ESRRG: variants seen among roughly 807,000 people sequenced by gnomAD.
ESRRG encodes the protein estrogen-related receptor gamma.
ESRRG carries 13 observed loss-of-function variants against 44.0 expected under a neutral mutation model. The ratio of observed to expected loss-of-function variants is 0.30; its 90% CI spans 0.19 to 0.47. ESRRG has a LOEUF of 0.47. ESRRG is among the 20% of genes least tolerant of loss of function. The probability of loss-of-function intolerance (pLI) is 1.00; values close to 1 mark genes in which losing one functional copy is unlikely to be tolerated. For synonymous variants in ESRRG, 215 were observed against 214.6 expected, an observed-to-expected ratio of 1.00 and a Z score of -0.02; for missense variants, 395 against 580.6, an observed-to-expected ratio of 0.68 and a Z score of 3.29.
chr1:216,793,572 C>A (rs1385106492), intron 2 of ESRRG, among the ~76,000 whole-genome samples: 1 of 152,128 alleles, frequency 6.6e-6, no homozygotes, highest in Non-Finnish European at 1.5e-5. Context: ...GACTGCAGCC[C>A]TGCCCAACAC....
At chr1:216,780,772 G>A (rs1041217111) in intron 2 of ESRRG, among the ~76,000 whole-genome samples, 1 of 152,008 alleles carries the variant, frequency 6.6e-6, no homozygotes, top group African/African-American at 2.4e-5. Context: ...TAGTGCCAAG[G>A]CAATGAACAG....
chr1:216,662,965 C>T (rs1041516826), intron 2 of ESRRG, among the ~76,000 whole-genome samples: 4 of 152,154 alleles, frequency 2.6e-5, no homozygotes, highest in Admixed American at 6.6e-5. Context: ...AAGGCTGCAA[C>T]GACAAAAATA....
intron 1 of ESRRG, among the ~76,000 whole-genome samples, chr1:216,964,094 G>A (rs975194499): frequency 2.6e-5 from 4 of 152,158 alleles, no homozygotes; most frequent in Non-Finnish European, 5.9e-5. Flanking sequence ...AAAGAAGGCA[G>A]GAAGACAGGT....
At chr1:216,924,027 C>G (rs1344009617) in intron 2 of ESRRG, among the ~76,000 whole-genome samples, 2 of 152,076 alleles carry the variant, frequency 1.3e-5, no homozygotes, top group East Asian at 3.9e-4. Context: ...AATGAGGGAG[C>G]CCAGAATTAT....
rs200660943 is a variant in ESRRG, at chr1:216,524,230, CAT to C, written c.863-4811_863-4810del. Among the ~76,000 whole-genome samples the C allele has an allele frequency of 6.2e-4, 84 of 134,584 alleles. 1 individual carries two copies. Among genetic ancestry groups the C allele is most frequent in the East Asian group, 2.0e-3 (9 of 4,554 alleles). 88.3% of individuals were successfully genotyped at this position (134,584 alleles called of 152,430 possible). On this transcript the variant is annotated intron_variant, in intron 5 of 6. Coordinates refer to ENST00000408911, the MANE Select transcript of ESRRG (RefSeq NM_001438.4). Reference sequence around the variant, plus strand: ...GTAGGAAACTTTATATATATATATACATATATATATATATGTAAGTTATATAT... The same window carrying C: ...GTAGGAAACTTTATATATATATATACATATATATATATGTAAGTTATATAT...
At chr1:216,905,073 T>C (rs1270663790) in intron 2 of ESRRG, among the ~76,000 whole-genome samples, 1 of 152,162 alleles carries the variant, frequency 6.6e-6, no homozygotes, top group Non-Finnish European at 1.5e-5. Context: ...TAAGGAAAGA[T>C]TAGCCAAGCA....
At chr1:216,847,907 T>C (rs1052266099) in intron 2 of ESRRG, among the ~76,000 whole-genome samples, 2 of 152,146 alleles carry the variant, frequency 1.3e-5, no homozygotes, top group African/African-American at 4.8e-5. Flanking sequence ...CATTCTTGTC[T>C]CCTGTGGCTA....
At chr1:216,528,262 T>C (rs1342761030) in intron 5 of ESRRG, among the ~76,000 whole-genome samples, 2 of 152,192 alleles carry the variant, frequency 1.3e-5, no homozygotes, top group African/African-American at 4.8e-5. Context: ...CTATAAAGTA[T>C]ATAGGATTTT....
intron 1 of ESRRG, among the ~76,000 whole-genome samples, chr1:216,684,394 C>G (rs1323019358): frequency 1.3e-5 from 2 of 152,116 alleles, no homozygotes; most frequent in Non-Finnish European, 2.9e-5. Context: ...GCAACTTATC[C>G]TTAGCTTGTT....
chr1:217,128,032 G>T (rs112071516), intron 1 of ESRRG, among the ~76,000 whole-genome samples: 1 of 152,126 alleles, frequency 6.6e-6, no homozygotes, highest in African/African-American at 2.4e-5. Context: ...CGCTGGCCAC[G>T]CAAGAGCACT....
rs1574653534 is a variant in ESRRG, at chr1:216,644,574, G to A, written c.589+6399C>T. Among the ~76,000 whole-genome samples, 4 of 151,620 alleles carry A rather than the reference G, an allele frequency of 2.6e-5. No homozygotes were observed. In the Middle Eastern group the frequency reaches 0.014, roughly 516 times the overall value. ...CTCTGGAGTAGCTGAGACTACAGGT[G>A]TGTGCCACCACACCTTGTTAATTTT... On this transcript the variant is annotated intron_variant, in intron 3 of 6. Transcript: ENST00000408911.
At chr1:216,572,054 A>G (rs942715994) in intron 3 of ESRRG, among the ~76,000 whole-genome samples, 1 of 152,202 alleles carries the variant, frequency 6.6e-6, no homozygotes, top group African/African-American at 2.4e-5. Context: ...CAATTCAAGT[A>G]GAAAATATTT....
intron 2 of ESRRG, among the ~76,000 whole-genome samples, chr1:216,845,621 TAG>T (rs10548418): frequency 0.034 from 5,101 of 152,222 alleles, 295 homozygotes; most frequent in African/African-American, 0.11. Context: ...TTATCCCCTC[TAG>T]ACTCTGAAGC....
At chr1:216,766,262 T>A (rs570157632) in intron 2 of ESRRG, among the ~76,000 whole-genome samples, 2 of 152,156 alleles carry the variant, frequency 1.3e-5, no homozygotes, top group East Asian at 3.9e-4. Flanking sequence ...ACTCCCTGCA[T>A]TGGATATTTG....
At chr1:216,811,534 A>C (rs1375191903) in intron 2 of ESRRG, among the ~76,000 whole-genome samples, 2 of 152,216 alleles carry the variant, frequency 1.3e-5, no homozygotes, top group Admixed American at 1.3e-4. Context: ...ATTATGAAGA[A>C]GACGGATGAC....
At chr1:216,980,264 CTGA>C (rs2073726741) in intron 1 of ESRRG, among the ~76,000 whole-genome samples, 3 of 152,290 alleles carry the variant, frequency 2.0e-5, no homozygotes, top group Admixed American at 2.0e-4. Context: ...ATGTCTGCTG[CTGA>C]TACTTGCTCA....
intron 1 of ESRRG, among the ~76,000 whole-genome samples, chr1:216,991,651 TG>T (rs2075732361): frequency 1.3e-5 from 1 of 74,834 alleles, no homozygotes; most frequent in Non-Finnish European, 2.6e-5. Flanking sequence ...TGGGATGGGA[TG>T]GGATGGGATG....
intron 1 of ESRRG, among the ~76,000 whole-genome samples, chr1:217,049,163 G>A (rs780989359): frequency 2.0e-5 from 3 of 152,126 alleles, no homozygotes; most frequent in Non-Finnish European, 4.4e-5. Context: ...CATCATTCAG[G>A]TTGGAACTCA....
chr1:216,520,186 T>C (rs887781505), intron 5 of ESRRG, among the ~76,000 whole-genome samples: 41 of 152,178 alleles, frequency 2.7e-4, no homozygotes, highest in Admixed American at 2.1e-3. Context: ...AGATTCTGAA[T>C]GTAAATACTG....
Sources: allele counts gnomAD v4.1 joint callset (sites outside exome capture counted in the v4.1 genomes callset), GRCh38; gene constraint gnomAD v4.1.1; transcripts MANE v1.5; gene names NCBI Gene and HGNC (gene_info 2026-07-23, HGNC 2026-07-21).